The following HM13 variants were observed in gnomAD, a reference collection of about 807,000 sequenced individuals.
HM13 encodes histocompatibility minor 13.
Under a neutral mutation model 50.0 loss-of-function variants are expected in HM13, and 18 were observed. The ratio of observed to expected loss-of-function variants is 0.36; its 90% CI spans 0.25 to 0.53. The LOEUF is 0.53. Among genes scored for constraint, HM13 ranks in the 20% least tolerant of loss-of-function variants. The pLI, the probability that HM13 is intolerant of heterozygous loss-of-function variation, is 0.90. For synonymous variants in HM13, 197 were observed against 232.6 expected (o/e 0.85, Z 1.39); for missense variants, 393 against 552.4 (o/e 0.71, Z 2.89).
At chr20:31,543,431 A>T (rs6059894) in intron 3 of HM13, among the ~76,000 whole-genome samples, 46,671 of 151,914 alleles carry the variant, frequency 0.31, 11,775 homozygotes, top group African/African-American at 0.7. Context: ...GATTACAGGC[A>T]CCTGCCACCA....
At position 31,522,417 on chromosome 20, in the gene HM13, C is replaced by T. The variant is rs564021617; in HGVS notation, c.184-5067C>T. ...ATCTCTACTAAAAATACAAAATTAG[C>T]TGGGTGTGGTGGCAGGTGCCTATAA... On this transcript the variant is annotated intron_variant, in intron 1 of 12. Transcript: ENST00000398174. Among the ~76,000 whole-genome samples the T allele has an allele frequency of 3.9e-5, 6 of 152,200 alleles. No individual in the cohort carries two copies. In the South Asian group the frequency reaches 8.3e-4, roughly 21 times the overall value.
In HM13 at chr20:31,569,386, CT is replaced by C; in HGVS notation, c.*170del. On this transcript the variant is annotated 3_prime_UTR_variant, in exon 13 of 13. Coordinates refer to ENST00000398174, the MANE Select transcript of HM13 (RefSeq NM_178581.3). Reference sequence around the variant, plus strand: ...CTCTGTGGCCTCTGTTTCCTTCTCCCTTTCTTGGCCCTCCTCTGCTCCTCCC... The same window carrying C: ...CTCTGTGGCCTCTGTTTCCTTCTCCCTTCTTGGCCCTCCTCTGCTCCTCCC... 1 of 510,526 alleles carries C rather than the reference CT, an allele frequency of 2.0e-6. No individual in the cohort carries two copies. The highest frequency in any genetic ancestry group is 3.6e-6 in the Non-Finnish European group (1 of 276,754). 31.6% of individuals were successfully genotyped at this position (510,526 alleles called of 1,614,324 possible).
chr20:31,530,442 C>G (rs940491985), intron 2 of HM13, among the ~76,000 whole-genome samples: 1 of 149,548 alleles, frequency 6.7e-6, no homozygotes, highest in Non-Finnish European at 1.5e-5. Context: ...CAGAGTCTTT[C>G]TCTGTCGCCA....
intron 7 of HM13, among the ~76,000 whole-genome samples, chr20:31,553,300 A>AC (rs1984129271): frequency 6.6e-6 from 1 of 151,626 alleles, no homozygotes; most frequent in East Asian, 1.9e-4. Flanking sequence ...CATCTCAAAA[A>AC]AAAAAAAAAA....
intron 1 of HM13, among the ~76,000 whole-genome samples, chr20:31,519,592 T>C (rs115338287): frequency 0.011 from 1,710 of 152,264 alleles, 29 homozygotes; most frequent in African/African-American, 0.04. Context: ...CCAGAACTTG[T>C]TAGAAATGCA....
At chr20:31,559,365 A>G (rs1370278093) in intron 8 of HM13, among the ~76,000 whole-genome samples, 1 of 152,206 alleles carries the variant, frequency 6.6e-6, no homozygotes, top group Non-Finnish European at 1.5e-5. Flanking sequence ...ACGGTGTGAC[A>G]TAGTATGATG....
intron 3 of HM13, 122 bp downstream of exon 3, chr20:31,538,383 C>G (rs1266512904): frequency 3.8e-6 from 6 of 1,572,020 alleles, no homozygotes; most frequent in Non-Finnish European, 5.2e-6. Flanking sequence ...CTATAAAACT[C>G]AAGGGACTCT....
intron 4 of HM13, among the ~76,000 whole-genome samples, chr20:31,546,223 T>C (rs1393812374): frequency 2.0e-5 from 3 of 151,730 alleles, no homozygotes; most frequent in African/African-American, 7.3e-5. Flanking sequence ...CTAATTTTTT[T>C]GTATTTTTAG....
chr20:31,517,355 T>C (rs1452129597), intron 1 of HM13, among the ~76,000 whole-genome samples: 1 of 151,958 alleles, frequency 6.6e-6, no homozygotes, highest in Non-Finnish European at 1.5e-5. Context: ...ACTGTCAGAG[T>C]CCTATATCCC....
chr20:31,527,125 G>T (rs1335927867), intron 1 of HM13, among the ~76,000 whole-genome samples: 1 of 152,178 alleles, frequency 6.6e-6, no homozygotes, highest in Non-Finnish European at 1.5e-5. Flanking sequence ...TGGATCACTT[G>T]AGGTCAGTTC....
chr20:31,539,918 C>A (rs1983340412), intron 3 of HM13: 1 of 152,176 alleles, frequency 6.6e-6, no homozygotes, highest in African/African-American at 2.4e-5. Flanking sequence ...CTGGTGCTGC[C>A]AGCTCTAATA....
intron 2 of HM13, among the ~76,000 whole-genome samples, chr20:31,537,054 T>C (rs1208866574): frequency 1.3e-5 from 2 of 152,218 alleles, no homozygotes; most frequent in Non-Finnish European, 2.9e-5. Context: ...GAGGGGTTAT[T>C]GTCTCATAGA....
chr20:31,544,308 G>T (rs1157706903), intron 3 of HM13, among the ~76,000 whole-genome samples: 1 of 152,250 alleles, frequency 6.6e-6, no homozygotes, highest in Non-Finnish European at 1.5e-5. Context: ...TGGCTGGGAG[G>T]TGGGGCATGC....
At position 31,516,696 on chromosome 20, in the gene HM13, G is replaced by C. The variant is rs368588732; in HGVS notation, c.183+1962G>C. ...AAGGTTTGGTGTGGCTGGAACAGAG[G>C]GTATGGATAGGAGAAAGCCTTAGCC... On this transcript the variant is annotated intron_variant, in intron 1 of 12. Transcript: ENST00000398174. Among the ~76,000 whole-genome samples the C allele has an allele frequency of 6.6e-5, 10 of 152,136 alleles. No individual in the cohort carries two copies. The East Asian group carries it at 7.7e-4, about 12-fold the overall frequency.
chr20:31,544,553 G>C (rs979653461), intron 3 of HM13, among the ~76,000 whole-genome samples: 8 of 152,202 alleles, frequency 5.3e-5, no homozygotes, highest in Non-Finnish European at 8.8e-5. Flanking sequence ...GGTTTGGAAG[G>C]GAGTCCACAA....
At chr20:31,569,089 T>G in intron 12 of HM13, 31 bp from the exon 13 acceptor site, 1 of 1,459,162 alleles carries the variant, frequency 6.9e-7, no homozygotes. Flanking sequence ...TCTAAATGAA[T>G]TTTTATTGTT....
At chr20:31,554,958 G>A (rs1984230396) in intron 8 of HM13, 129 bp downstream of exon 8, 1 of 802,058 alleles carries the variant, frequency 1.2e-6, no homozygotes, top group Admixed American at 2.4e-5. Flanking sequence ...TCAGGCCAGG[G>A]ATTGGTGAAG....
chr20:31,533,510 AAAC>A (rs1187000714), intron 2 of HM13, among the ~76,000 whole-genome samples: 3 of 152,198 alleles, frequency 2.0e-5, no homozygotes, highest in East Asian at 1.9e-4. Context: ...GTCTCAAAAA[AAAC>A]AACAACAAAA....
intron 1 of HM13, among the ~76,000 whole-genome samples, chr20:31,523,053 G>GGGGGGT (rs1568779752): frequency 7.1e-6 from 1 of 139,908 alleles, no homozygotes; most frequent in African/African-American, 2.9e-5. Context: ...TGGGAGGGGG[G>GGGGGGT]CTTTTTTTTT....
Sources: gnomAD v4.1 joint callset for allele counts (sites outside exome capture counted in the v4.1 genomes callset) on GRCh38, gnomAD v4.1.1 for gene constraint, MANE v1.5 for transcripts, NCBI Gene and HGNC (gene_info 2026-07-23, HGNC 2026-07-21) for gene names.